BST1: variants seen among roughly 807,000 people sequenced by gnomAD.
The protein encoded by BST1 is bone marrow stromal cell antigen 1.
A neutral mutation model predicts 40.6 loss-of-function variants in BST1; 49 were observed. The ratio of observed to expected loss-of-function variants is 1.21; its 90% CI spans 0.96 to 1.53. The LOEUF is 1.53. Among genes scored for constraint, BST1 ranks in the 40% most tolerant of loss-of-function variants. The probability of loss-of-function intolerance (pLI) is 0.00; values close to 1 mark genes in which losing one functional copy is unlikely to be tolerated. For missense variants in BST1, 423 were observed against 395.9 expected, an observed-to-expected ratio of 1.07 and a Z score of -0.58; for synonymous variants, 157 against 159.3, an observed-to-expected ratio of 0.99 and a Z score of 0.11.
chr4:15,744,798 A>C, the BST1 span, among the ~76,000 whole-genome samples: 1 of 152,256 alleles, frequency 6.6e-6, no homozygotes, highest in Admixed American at 6.5e-5. Context: ...TACAAAAATT[A>C]TCTAAATTTG....
At chr4:15,720,092 C>T (rs1300334747) in intron 7 of BST1, among the ~76,000 whole-genome samples, 2 of 152,174 alleles carry the variant, frequency 1.3e-5, no homozygotes, top group East Asian at 3.8e-4. Flanking sequence ...ATAAACAGAA[C>T]ATACTCAGCA....
chr4:15,736,314 A>G (rs4538475), downstream of BST1, among the ~76,000 whole-genome samples: 36,009 of 151,716 alleles, frequency 0.24, 4,905 homozygotes, highest in East Asian at 0.56. Context: ...ACAAATTTCA[A>G]ATTTTAAAAT....
chr4:15,715,149 C>T, intron 4 of BST1, 136 bp from the exon 5 acceptor site: 2 of 767,506 alleles, frequency 2.6e-6, no homozygotes, highest in East Asian at 5.6e-5. Context: ...GTTTGCATTT[C>T]TACTAAGCCA....
chr4:15,752,919 C>T, the BST1 span, among the ~76,000 whole-genome samples: 3 of 151,846 alleles, frequency 2.0e-5, no homozygotes, highest in African/African-American at 7.3e-5. Flanking sequence ...GTAAATAGTA[C>T]ATATAAATCA....
At chr4:15,773,675 A>T in the BST1 span, among the ~76,000 whole-genome samples, 7 of 152,332 alleles carry the variant, frequency 4.6e-5, no homozygotes, top group Non-Finnish European at 4.4e-5. Flanking sequence ...GCACATCTGC[A>T]GCCCCAGCTA....
At chr4:15,712,985 T>C (rs1359738071) in intron 4 of BST1, among the ~76,000 whole-genome samples, 1 of 152,206 alleles carries the variant, frequency 6.6e-6, no homozygotes, top group African/African-American at 2.4e-5. Context: ...CCAGTGGATC[T>C]GCCAGACTTC....
downstream of BST1, among the ~76,000 whole-genome samples, chr4:15,741,495 C>T (rs1033002180): frequency 6.6e-6 from 1 of 152,148 alleles, no homozygotes; most frequent in African/African-American, 2.4e-5. Context: ...AATCTCCAAA[C>T]CTCCAAGGGG....
the BST1 span, among the ~76,000 whole-genome samples, chr4:15,765,511 T>A: frequency 6.6e-6 from 1 of 151,782 alleles, no homozygotes; most frequent in Non-Finnish European, 1.5e-5. Context: ...GACATGTCAC[T>A]CTTGTGCACC....
At chr4:15,770,354 C>A in the BST1 span, among the ~76,000 whole-genome samples, 3 of 152,050 alleles carry the variant, frequency 2.0e-5, no homozygotes, top group Admixed American at 1.3e-4. Context: ...TTTTTGCAAA[C>A]CTTGCTTGCC....
At chr4:15,773,920 A>T in the BST1 span, among the ~76,000 whole-genome samples, 1 of 152,208 alleles carries the variant, frequency 6.6e-6, no homozygotes, top group Non-Finnish European at 1.5e-5. Context: ...TTTCTCCGTT[A>T]TATTTACTGG....
At chr4:15,772,667 G>A in the BST1 span, among the ~76,000 whole-genome samples, 9 of 152,356 alleles carry the variant, frequency 5.9e-5, no homozygotes, top group African/African-American at 2.2e-4. Flanking sequence ...TCAGCGAGAA[G>A]AGTGTACAAC....
chr4:15,757,323 T>C, the BST1 span, among the ~76,000 whole-genome samples: 2 of 152,166 alleles, frequency 1.3e-5, no homozygotes, highest in Non-Finnish European at 2.9e-5. Flanking sequence ...CTGATTTAAT[T>C]CACAGCCATG....
At chr4:15,751,255 C>G in the BST1 span, among the ~76,000 whole-genome samples, 359 of 151,202 alleles carry the variant, frequency 2.4e-3, no homozygotes, top group Non-Finnish European at 4.2e-3. Flanking sequence ...GTAGTCTGTG[C>G]GGTGGTTAGG....
the BST1 span, among the ~76,000 whole-genome samples, chr4:15,764,527 G>C: frequency 6.6e-6 from 1 of 152,072 alleles, no homozygotes; most frequent in African/African-American, 2.4e-5. Context: ...GGCACAAGTT[G>C]GTGTTCTGGG....
the BST1 span, among the ~76,000 whole-genome samples, chr4:15,764,916 G>A: frequency 3.5e-5 from 5 of 143,916 alleles, no homozygotes; most frequent in East Asian, 8.2e-4. Flanking sequence ...GTGTAGAAAA[G>A]CATGAATTCC....
At chr4:15,715,992 G>A (rs377072521) in intron 6 of BST1, among the ~76,000 whole-genome samples, 193 bp downstream of exon 6, 12 of 152,308 alleles carry the variant, frequency 7.9e-5, no homozygotes, top group Middle Eastern at 3.4e-3. Flanking sequence ...CAGAGAGAAA[G>A]CCTCCTTTAT....
At chr4:15,734,911 T>A (rs955410), downstream of BST1, among the ~76,000 whole-genome samples, 16,345 of 152,056 alleles carry the variant, frequency 0.11, 1,661 homozygotes, top group East Asian at 0.53. Flanking sequence ...GAAAGAGACT[T>A]TGGGAAGTGA....
the BST1 span, among the ~76,000 whole-genome samples, chr4:15,767,730 A>G: frequency 6.6e-6 from 1 of 151,928 alleles, no homozygotes; most frequent in East Asian, 1.9e-4. Context: ...CACTAATAGA[A>G]TGTCTCTGAA....
chr4:15,766,559 G>C, the BST1 span, among the ~76,000 whole-genome samples: 2 of 151,846 alleles, frequency 1.3e-5, no homozygotes, highest in East Asian at 1.9e-4. Flanking sequence ...AGAAAGAGTA[G>C]TAAATACAAG....
Sources: allele counts gnomAD v4.1 joint callset (sites outside exome capture counted in the v4.1 genomes callset), GRCh38; gene constraint gnomAD v4.1.1; transcripts MANE v1.5; gene names NCBI Gene and HGNC (gene_info 2026-07-23, HGNC 2026-07-21).